The following ADGRG7 variants were observed in gnomAD, a reference collection of about 807,000 sequenced individuals.
ADGRG7 encodes adhesion G protein-coupled receptor G7, also known as G-protein coupled receptor 128.
A neutral mutation model predicts 88.6 loss-of-function variants in ADGRG7; 82 were observed. The ratio of observed to expected loss-of-function variants is 0.93; its 90% CI spans 0.77 to 1.11. The LOEUF is 1.11. Among genes scored for constraint, ADGRG7 ranks in the 50% most tolerant of loss-of-function variants. The pLI is 0.00. For missense variants in ADGRG7, 945 were observed against 953.4 expected (o/e 0.99, Z 0.12); for synonymous variants, 381 against 345.2 (o/e 1.10, Z -1.15).
At chr3:100,689,467 C>T (rs560969761) in intron 15 of ADGRG7, among the ~76,000 whole-genome samples, 1 of 152,160 alleles carries the variant, frequency 6.6e-6, no homozygotes, top group African/African-American at 2.4e-5. Context: ...TTCTTCCTAG[C>T]CTCGATGGTC....
At chr3:100,636,925 A>C (rs2149020477) in intron 5 of ADGRG7, among the ~76,000 whole-genome samples, 1 of 152,328 alleles carries the variant, frequency 6.6e-6, no homozygotes, top group Admixed American at 6.5e-5. Flanking sequence ...AGTTATGCTA[A>C]GTATTATGAG....
At chr3:100,654,292 A>T (rs940077366) in intron 11 of ADGRG7, 6 of 152,250 alleles carry the variant, frequency 3.9e-5, no homozygotes, top group Admixed American at 6.5e-5. Flanking sequence ...AAGATTAAAA[A>T]TTTTATTTTA....
intron 14 of ADGRG7, among the ~76,000 whole-genome samples, chr3:100,661,103 A>G (rs1044647893): frequency 2.0e-5 from 3 of 152,156 alleles, no homozygotes; most frequent in African/African-American, 7.2e-5. Context: ...TTCTGGCTCC[A>G]AAAAGCATTT....
At chr3:100,671,138 A>G (rs942568442) in intron 15 of ADGRG7, among the ~76,000 whole-genome samples, 1 of 152,154 alleles carries the variant, frequency 6.6e-6, no homozygotes, top group Non-Finnish European at 1.5e-5. Flanking sequence ...TGTCTTCCAC[A>G]ATGGTTGAAC....
At chr3:100,654,796 T>C in intron 11 of ADGRG7, 39 bp from the exon 12 acceptor site, 1 of 1,270,686 alleles carries the variant, frequency 7.9e-7, no homozygotes, top group Non-Finnish European at 1.1e-6. Context: ...AGTTGTTGTG[T>C]TTCATTTAAT....
At chr3:100,675,656 T>G (rs116508272) in intron 15 of ADGRG7, among the ~76,000 whole-genome samples, 365 of 152,204 alleles carry the variant, frequency 2.4e-3, no homozygotes, top group Middle Eastern at 0.017. Flanking sequence ...TTGCCTCTAT[T>G]TTTTGGAGTA....
Position 100,635,764 on chromosome 3 carries a change from A to T in ADGRG7, c.535A>T (p.Ile179Phe). The T allele has an allele frequency of 6.2e-7, 1 of 1,614,088 alleles. No individual in the cohort carries two copies. Among genetic ancestry groups the T allele is most frequent in the Non-Finnish European group, 8.5e-7 (1 of 1,179,934 alleles). ...TGCCAATAAATTAACTGCTGAGAACATCACTAGTGCTACGCGAGTGGTTGG... is the reference window on the plus strand; with the variant it reads ...TGCCAATAAATTAACTGCTGAGAACTTCACTAGTGCTACGCGAGTGGTTGG... ...SDANKLTAENITSATRVVGQI... is the reference protein window; with the variant it reads ...SDANKLTAENFTSATRVVGQI... The change falls in exon 5 of 16, where the codon ATC (isoleucine) becomes TTC (phenylalanine). Residue 179 changes from isoleucine (I) to phenylalanine (F), a missense_variant. By Grantham distance (21) the Ile-to-Phe change is conservative. Transcript: ENST00000273352.
chr3:100,668,004 T>G (rs1188670101), intron 14 of ADGRG7, among the ~76,000 whole-genome samples: 7 of 152,182 alleles, frequency 4.6e-5, no homozygotes, highest in African/African-American at 1.7e-4. Context: ...TTTCTCAGGC[T>G]GGGACCCTCA....
At chr3:100,679,923 A>G (rs566658197) in intron 15 of ADGRG7, among the ~76,000 whole-genome samples, 21 of 152,282 alleles carry the variant, frequency 1.4e-4, no homozygotes, top group Admixed American at 3.9e-4. Context: ...CATTTGGTCT[A>G]TTTTGGTGAA....
chr3:100,643,189 T>A (rs1707674524), intron 6 of ADGRG7, 77 bp from the exon 7 acceptor site: 1 of 1,251,706 alleles, frequency 8.0e-7, no homozygotes, highest in African/African-American at 1.5e-5. Flanking sequence ...GTCTTTCTGC[T>A]GTAGTGTAAG....
chr3:100,614,881 G>A (rs1707202449), intron 1 of ADGRG7, among the ~76,000 whole-genome samples: 1 of 152,130 alleles, frequency 6.6e-6, no homozygotes. Flanking sequence ...TGTATTAAAA[G>A]CATTGAAAAT....
In ADGRG7 at chr3:100,649,598, G is replaced by A. The variant is rs1049196036; in HGVS notation, c.1267-97G>A. ...CAAAAGGAAGATATATCTGGCAACTGTCTGGTTATTTTGACCCATGTAACT... is the reference window on the plus strand; with the variant it reads ...CAAAAGGAAGATATATCTGGCAACTATCTGGTTATTTTGACCCATGTAACT... On this transcript the variant is annotated intron_variant, in intron 10 of 15. Transcript: ENST00000273352. 3.1e-5 allele frequency: 19 copies of A among 621,420 alleles called. No homozygotes were observed. In the South Asian group the frequency reaches 3.9e-4, roughly 13 times the overall value. The allele number at this position is 621,420 out of a possible 1,614,324, so 38.5% of individuals were successfully genotyped here. A position where few individuals can be genotyped will look rare whatever the true frequency, so the allele number is the denominator to read the frequency against.
intron 15 of ADGRG7, among the ~76,000 whole-genome samples, chr3:100,681,305 C>CTTTTCT (rs2094973040): frequency 7.5e-6 from 1 of 134,042 alleles, no homozygotes; most frequent in East Asian, 2.1e-4. Context: ...CTTTTCTTTT[C>CTTTTCT]TTTTTTTTTT....
Position 100,659,856 on chromosome 3 carries a change from A to G in ADGRG7, c.1979+13A>G, listed in dbSNP as rs112846897. On this transcript the variant is annotated intron_variant, in intron 14 of 15. Transcript: ENST00000273352. The stretch of plus-strand genomic sequence containing the variant: ...AGAACCTGACAAGGTAAGATTCCCA[A>G]TGAATGGGAAGCTGCCAGGCAAGGC... 20 of 1,611,130 alleles carry G rather than the reference A, an allele frequency of 1.2e-5. 1 individual carries two copies. The highest frequency in any genetic ancestry group is 8.8e-5 in the South Asian group (8 of 90,626).
At chr3:100,626,933 GTCTT>G (rs1322695773) in intron 1 of ADGRG7, among the ~76,000 whole-genome samples, 3 of 152,146 alleles carry the variant, frequency 2.0e-5, no homozygotes, top group Non-Finnish European at 2.9e-5. Flanking sequence ...ATGTGAAAAT[GTCTT>G]TATTTTATGT....
At position 100,635,818 on chromosome 3, in the gene ADGRG7, T is replaced by C; in HGVS notation, c.589T>C (p.Ser197Pro). 1 of 1,608,620 alleles carries C rather than the reference T, an allele frequency of 6.2e-7. No homozygotes were observed. Among genetic ancestry groups the C allele is most frequent in the Non-Finnish European group, 8.5e-7 (1 of 1,178,640 alleles). The change falls in exon 5 of 16, where the codon TCA becomes CCA. Residue 197 changes from serine (S) to proline (P), a missense_variant. Coordinates refer to ENST00000273352, the MANE Select transcript of ADGRG7 (RefSeq NM_032787.3). ...GQIFNTSRNA[S>P]PEAKKVAIVT... ...GATATTCAACACTTCCAGAAATGCTTCACCTGAGGTAAAACTCACAGAGCT... is the reference window on the plus strand; with the variant it reads ...GATATTCAACACTTCCAGAAATGCTCCACCTGAGGTAAAACTCACAGAGCT...
chr3:100,669,105 G>T lies in ADGRG7; in HGVS notation c.2136G>T (p.Gln712His). 6.4e-7 allele frequency: 1 copy of T among 1,569,122 alleles called. No homozygotes were observed. Among genetic ancestry groups the T allele is most frequent in the Non-Finnish European group, 8.6e-7 (1 of 1,159,084 alleles). Residue 712 changes from glutamine (Q) to histidine (H), a missense_variant and splice_region_variant, in exon 15 of 16, where the codon CAG becomes CAT. By Grantham distance (24) the Gln-to-His change is conservative. Coordinates refer to ENST00000273352, the MANE Select transcript of ADGRG7 (RefSeq NM_032787.3). ...SYIFCLFNTT[Q>H]GLQIFILYTV... is the part of the protein sequence containing the mutation. ...TATTCTGCCTTTTCAACACTACACAGGTATGGTGCGGATTAGTCTGAAAGT... is the reference window on the plus strand; with the variant it reads ...TATTCTGCCTTTTCAACACTACACATGTATGGTGCGGATTAGTCTGAAAGT...
At chr3:100,650,267 T>C (rs1380184353) in intron 11 of ADGRG7, among the ~76,000 whole-genome samples, 1 of 152,256 alleles carries the variant, frequency 6.6e-6, no homozygotes, top group Non-Finnish European at 1.5e-5. Flanking sequence ...CATTAAATTC[T>C]AATTTTAAAT....
At chr3:100,666,866 G>A (rs2149034003) in intron 14 of ADGRG7, among the ~76,000 whole-genome samples, 1 of 152,288 alleles carries the variant, frequency 6.6e-6, no homozygotes. Context: ...GGAGCACGCT[G>A]CCTTCAAGCA....
Sources: gnomAD v4.1 joint callset for allele counts (sites outside exome capture counted in the v4.1 genomes callset) on GRCh38, gnomAD v4.1.1 for gene constraint, MANE v1.5 for transcripts, NCBI Gene and HGNC (gene_info 2026-07-23, HGNC 2026-07-21) for gene names.